CRACDL: variants seen among roughly 807,000 people sequenced by gnomAD.
CRACDL encodes CRACD-like protein.
In CRACDL, 26 loss-of-function variants were observed where a neutral mutation model predicts 70.6. The ratio of observed to expected loss-of-function variants is 0.37; its 90% CI spans 0.27 to 0.51. CRACDL has a LOEUF of 0.51. CRACDL is among the 20% of genes least tolerant of loss of function. The probability of loss-of-function intolerance (pLI) is 0.94; values close to 1 mark genes in which losing one functional copy is unlikely to be tolerated. For missense variants in CRACDL, 1,283 were observed against 1,376.9 expected (o/e 0.93, Z 1.08); for synonymous variants, 618 against 615.2 (o/e 1.00, Z -0.07).
chr2:98,818,519 G>A (rs567232643), intron 7 of CRACDL, among the ~76,000 whole-genome samples: 2 of 152,304 alleles, frequency 1.3e-5, no homozygotes, highest in Admixed American at 6.5e-5. Flanking sequence ...GAGGGAGGAC[G>A]GGGGAGGTGG....
chr2:98,879,338 A>G (rs1430910068), intron 1 of CRACDL, among the ~76,000 whole-genome samples: 2 of 152,196 alleles, frequency 1.3e-5, no homozygotes, highest in African/African-American at 4.8e-5. Flanking sequence ...AGAAAAACAA[A>G]TGTCAAATAG....
In CRACDL at chr2:98,794,649, C is replaced by T; in HGVS notation, c.2772G>A (p.Glu924=). The T allele has an allele frequency of 1.2e-6, 2 of 1,613,760 alleles. No individual in the cohort carries two copies. Among genetic ancestry groups the T allele is most frequent in the East Asian group, 2.2e-5 (1 of 44,870 alleles). ...CTCTCTTCAGCTGATGCAGTTCCTT[C>T]TCCATCATCACTGCAGACTGAGCTG... ...QNLAQSAVMM[E]KELHQLKRAS... The change falls in exon 10 of 10, where the codon GAG becomes GAA. Residue 924 remains glutamate (E), a synonymous_variant. Coordinates refer to ENST00000397899, the MANE Select transcript of CRACDL (RefSeq NM_207362.3).
intron 1 of CRACDL, among the ~76,000 whole-genome samples, chr2:98,850,077 G>A (rs374558005): frequency 6.6e-6 from 1 of 152,220 alleles, no homozygotes; most frequent in Admixed American, 6.5e-5. Flanking sequence ...TGCCCGGCAT[G>A]CCCTGGCAGC....
chr2:98,865,797 G>C (rs1707111632), intron 1 of CRACDL, among the ~76,000 whole-genome samples: 1 of 145,460 alleles, frequency 6.9e-6, no homozygotes, highest in Non-Finnish European at 1.5e-5. Context: ...AGGACTTTCT[G>C]CTTTTTTTTT....
chr2:98,889,081 T>C (rs1233645309), intron 1 of CRACDL, among the ~76,000 whole-genome samples: 1 of 141,102 alleles, frequency 7.1e-6, no homozygotes, highest in East Asian at 2.1e-4. Context: ...AGAGCCGAGA[T>C]CATGCCACTG....
At chr2:98,803,503 C>G (rs1236037217) in intron 7 of CRACDL, among the ~76,000 whole-genome samples, 1 of 152,160 alleles carries the variant, frequency 6.6e-6, no homozygotes, top group Non-Finnish European at 1.5e-5. Context: ...TAGAAGTACA[C>G]AAGCATATTG....
intron 1 of CRACDL, among the ~76,000 whole-genome samples, chr2:98,920,396 T>C (rs1708773917): frequency 1.3e-5 from 2 of 152,302 alleles, no homozygotes; most frequent in South Asian, 4.1e-4. Flanking sequence ...AGGCACTGTC[T>C]CTGCAGCTTT....
chr2:98,928,909 C>T (rs1209799582), intron 1 of CRACDL, among the ~76,000 whole-genome samples: 4 of 152,122 alleles, frequency 2.6e-5, no homozygotes, highest in South Asian at 2.1e-4. Context: ...ACATGGAATT[C>T]GGTTCCCGTA....
chr2:98,849,605 T>C (rs963291971), intron 1 of CRACDL, among the ~76,000 whole-genome samples: 1 of 151,752 alleles, frequency 6.6e-6, no homozygotes, highest in African/African-American at 2.4e-5. Context: ...GGATGCAGAC[T>C]CACCTGTGTA....
Position 98,827,318 on chromosome 2 carries a change from C to T in CRACDL, c.541-149G>A, listed in dbSNP as rs962121351. ...GTGGAAATACTTTCTTTTTTTTTCC[C>T]CCAAGATGGAGTCTTGTTCTGTCAC... On this transcript the variant is annotated intron_variant, in intron 5 of 9. Transcript: ENST00000397899. 4.9e-6 allele frequency: 3 copies of T among 615,604 alleles called. No individual in the cohort carries two copies. The African/African-American group carries it at 5.5e-5, about 11-fold the overall frequency. 38.1% of individuals were successfully genotyped at this position (615,604 alleles called of 1,614,324 possible). A position where few individuals can be genotyped will look rare whatever the true frequency, so the allele number is the denominator to read the frequency against.
At chr2:98,873,135 C>G (rs540041642) in intron 1 of CRACDL, among the ~76,000 whole-genome samples, 1 of 152,202 alleles carries the variant, frequency 6.6e-6, no homozygotes, top group Non-Finnish European at 1.5e-5. Context: ...GCAGATCCTA[C>G]GTGTAAGTTT....
At chr2:98,795,496 C>T (rs901402710) in intron 9 of CRACDL, among the ~76,000 whole-genome samples, 1 of 152,056 alleles carries the variant, frequency 6.6e-6, no homozygotes, top group Non-Finnish European at 1.5e-5. Flanking sequence ...TTAGAAATGT[C>T]CCAAAAAGGC....
chr2:98,928,917 G>A (rs1003485060), intron 1 of CRACDL, among the ~76,000 whole-genome samples: 2 of 152,238 alleles, frequency 1.3e-5, no homozygotes, highest in Non-Finnish European at 2.9e-5. Context: ...TTCGGTTCCC[G>A]TAGAAATGAT....
intron 1 of CRACDL, among the ~76,000 whole-genome samples, chr2:98,903,775 G>C (rs1371960370): frequency 1.3e-5 from 2 of 152,188 alleles, no homozygotes; most frequent in Non-Finnish European, 2.9e-5. Context: ...TCATTTTTAA[G>C]TCAGATACAT....
intron 7 of CRACDL, among the ~76,000 whole-genome samples, chr2:98,798,376 G>A (rs1575315656): frequency 1.4e-5 from 2 of 147,708 alleles, no homozygotes; most frequent in African/African-American, 2.5e-5. Flanking sequence ...CCCGGGAGGC[G>A]GAGCTTGCAG....
intron 7 of CRACDL, among the ~76,000 whole-genome samples, chr2:98,800,650 CT>C: frequency 6.6e-6 from 1 of 152,270 alleles, no homozygotes; most frequent in East Asian, 1.9e-4. Flanking sequence ...CTCCTAAGTC[CT>C]CTGTAACCTC....
rs1179323586 is a variant in CRACDL, at chr2:98,827,143, C to T, written c.567G>A (p.Val189=). 3 of 1,613,950 alleles carry T rather than the reference C, an allele frequency of 1.9e-6. No individual in the cohort carries two copies. Among genetic ancestry groups the T allele is most frequent in the South Asian group, 2.2e-5 (2 of 91,076 alleles). Reference sequence around the variant, plus strand: ...TCCGGGCAGAGACGGTGCTGTCGCTCACGTGGTCTGGAGACACGACAGAGA... The same window carrying T: ...TCCGGGCAGAGACGGTGCTGTCGCTTACGTGGTCTGGAGACACGACAGAGA... ...IKVSVVSPDH[V]SDSTVSARIS... is the part of the protein sequence containing the mutation. Residue 189 remains valine, a synonymous_variant, in exon 6 of 10, where the codon GTG becomes GTA. Coordinates refer to ENST00000397899, the MANE Select transcript of CRACDL (RefSeq NM_207362.3).
chr2:98,854,822 G>C (rs190044410), intron 1 of CRACDL, among the ~76,000 whole-genome samples: 31 of 152,296 alleles, frequency 2.0e-4, no homozygotes, highest in Admixed American at 9.2e-4. Context: ...GGAAGGCCAA[G>C]AAACCATTTC....
intron 1 of CRACDL, among the ~76,000 whole-genome samples, chr2:98,899,747 T>C (rs1345293480): frequency 6.6e-6 from 1 of 152,154 alleles, no homozygotes; most frequent in Non-Finnish European, 1.5e-5. Flanking sequence ...CTGAGAAGTC[T>C]TAGCTCAGTG....
Sources: gnomAD v4.1 joint callset for allele counts (sites outside exome capture counted in the v4.1 genomes callset) on GRCh38, gnomAD v4.1.1 for gene constraint, MANE v1.5 for transcripts, NCBI Gene and HGNC (gene_info 2026-07-23, HGNC 2026-07-21) for gene names.